PDSS2: variants seen among roughly 807,000 people sequenced by gnomAD.
PDSS2 encodes all trans-polyprenyl-diphosphate synthase PDSS2.
PDSS2 carries 31 observed loss-of-function variants against 44.5 expected under a neutral mutation model. The ratio of observed to expected loss-of-function variants is 0.70; its 90% confidence interval spans 0.52 to 0.94. The LOEUF (loss-of-function observed/expected upper bound fraction) is 0.94. Ranked by LOEUF, PDSS2 falls within the 40% of genes least tolerant of loss-of-function variation. PDSS2 has a pLI of 0.00. For missense variants in PDSS2, 452 were observed against 482.2 expected (o/e 0.94, Z 0.59); for synonymous variants, 157 against 180.3 (o/e 0.87, Z 1.03).
At chr6:107,351,007 A>C (rs776566484) in intron 1 of PDSS2, among the ~76,000 whole-genome samples, 7 of 152,208 alleles carry the variant, frequency 4.6e-5, no homozygotes, top group Non-Finnish European at 7.3e-5. Flanking sequence ...AAGGGGGAGA[A>C]ACTAGGAATT....
intron 1 of PDSS2, among the ~76,000 whole-genome samples, chr6:107,402,453 C>CAG (rs1554276767): frequency 1.5e-4 from 1 of 6,596 alleles, no homozygotes; most frequent in East Asian, 6.5e-3. Flanking sequence ...CACACACACA[C>CAG]ATATATATAC....
chr6:107,334,916 G>A (rs932843740), intron 1 of PDSS2, among the ~76,000 whole-genome samples: 3 of 151,894 alleles, frequency 2.0e-5, no homozygotes, highest in Non-Finnish European at 2.9e-5. Flanking sequence ...CAGTGCTTTG[G>A]GGGGCCAAGG....
intron 3 of PDSS2, among the ~76,000 whole-genome samples, chr6:107,271,552 C>T (rs1775598548): frequency 6.6e-6 from 1 of 152,156 alleles, no homozygotes; most frequent in African/African-American, 2.4e-5. Context: ...GCATGGGCTA[C>T]AGTACAATTG....
intron 1 of PDSS2, among the ~76,000 whole-genome samples, chr6:107,437,625 T>C (rs921232883): frequency 3.3e-5 from 5 of 151,564 alleles, no homozygotes; most frequent in African/African-American, 1.2e-4. Context: ...CCAAAATCCA[T>C]GCATACTCAA....
intron 1 of PDSS2, among the ~76,000 whole-genome samples, chr6:107,376,316 G>C (rs1264338775): frequency 5.3e-5 from 8 of 151,880 alleles, no homozygotes; most frequent in Non-Finnish European, 1.2e-4. Flanking sequence ...TTGGTAGCTT[G>C]ATGGGGATGG....
chr6:107,415,325 T>G (rs1428733757), intron 1 of PDSS2, among the ~76,000 whole-genome samples: 4 of 152,156 alleles, frequency 2.6e-5, no homozygotes, highest in Non-Finnish European at 4.4e-5. Context: ...AATTTTTTTT[T>G]GTTAATCATA....
chr6:107,340,678 C>A (rs1227012775), intron 1 of PDSS2, among the ~76,000 whole-genome samples: 2 of 152,178 alleles, frequency 1.3e-5, no homozygotes, highest in African/African-American at 4.8e-5. Flanking sequence ...AGAGGTGTCC[C>A]TCACAGTAGA....
At chr6:107,218,206 T>C (rs1438028279) in intron 4 of PDSS2, among the ~76,000 whole-genome samples, 1 of 152,222 alleles carries the variant, frequency 6.6e-6, no homozygotes, top group African/African-American at 2.4e-5. Flanking sequence ...TGGCTCTCTA[T>C]ACATTTTATT....
chr6:107,284,106 A>G (rs1776060436), intron 2 of PDSS2, among the ~76,000 whole-genome samples: 1 of 151,960 alleles, frequency 6.6e-6, no homozygotes, highest in Admixed American at 6.6e-5. Flanking sequence ...CTATACGGAC[A>G]AGGGAGATAA....
chr6:107,173,349 G>A (rs543456489), intron 7 of PDSS2, among the ~76,000 whole-genome samples: 151 of 151,602 alleles, frequency 1.0e-3, no homozygotes, highest in African/African-American at 3.4e-3. Context: ...CGAGGCGGGC[G>A]GATCACCTGA....
chr6:107,325,370 G>A (rs898633621), intron 2 of PDSS2, among the ~76,000 whole-genome samples: 4 of 152,158 alleles, frequency 2.6e-5, no homozygotes, highest in African/African-American at 9.7e-5. Flanking sequence ...AAAATTTTAA[G>A]TTGCATCATG....
rs184139109 is a variant in PDSS2, at chr6:107,184,155, A to T, written c.1041+9667T>A. Among the ~76,000 whole-genome samples the T allele has an allele frequency of 1.2e-3, 177 of 152,298 alleles. 2 individuals are homozygous for T. Among genetic ancestry groups the T allele is most frequent in the Admixed American group, 0.011 (174 of 15,292 alleles). ...GGGTAGGAGATGCAGCATCTGCCCA[A>T]GAAAGGGGTACAGGAAAGAGAAAAC... On this transcript the variant is annotated intron_variant, in intron 7 of 7. Transcript: ENST00000369037.
chr6:107,422,721 T>C (rs1424904394), intron 1 of PDSS2, among the ~76,000 whole-genome samples: 1 of 152,116 alleles, frequency 6.6e-6, no homozygotes, highest in Non-Finnish European at 1.5e-5. Flanking sequence ...GATAAACCTA[T>C]TTTTATGGCC....
intron 2 of PDSS2, among the ~76,000 whole-genome samples, chr6:107,301,314 G>A (rs1776686755): frequency 6.6e-6 from 1 of 152,136 alleles, no homozygotes. Context: ...TGTGTGCAGT[G>A]TGATTTTAGA....
chr6:107,212,333 T>C (rs1363117840), intron 4 of PDSS2, 51 bp from the exon 5 acceptor site: 2 of 1,414,000 alleles, frequency 1.4e-6, no homozygotes, highest in African/African-American at 2.9e-5. Context: ...AGTAATTTAA[T>C]TGTTTCTGTT....
At chr6:107,449,448 C>T (rs1427432200) in intron 1 of PDSS2, among the ~76,000 whole-genome samples, 1 of 152,270 alleles carries the variant, frequency 6.6e-6, no homozygotes, top group East Asian at 1.9e-4. Flanking sequence ...TCCATTTCCC[C>T]CTTCTTCCAG....
rs150097418 is a variant in PDSS2 at position 107,392,665 on chromosome 6, T to C, written c.297-58333A>G. Among the ~76,000 whole-genome samples the C allele has an allele frequency of 1.4e-3, 210 of 152,292 alleles. 3 individuals carry two copies. The highest frequency in any genetic ancestry group is 4.8e-3 in the African/African-American group (198 of 41,568). On this transcript the variant is annotated intron_variant, in intron 1 of 7. Coordinates refer to ENST00000369037, the MANE Select transcript of PDSS2 (RefSeq NM_020381.4). The stretch of plus-strand genomic sequence containing the variant: ...GCAAACATTACTGTCTTCTAACCGG[T>C]AGGTAATTTCCTCCTCTTCCTTTTA...
At chr6:107,357,682 A>G (rs1305406389) in intron 1 of PDSS2, among the ~76,000 whole-genome samples, 2 of 152,174 alleles carry the variant, frequency 1.3e-5, no homozygotes, top group Non-Finnish European at 2.9e-5. Context: ...GCATTCCACC[A>G]CATTTTATAC....
chr6:107,261,910 T>TTC (rs1554259999), intron 3 of PDSS2, among the ~76,000 whole-genome samples: 2 of 102,814 alleles, frequency 1.9e-5, no homozygotes, highest in African/African-American at 4.2e-5. Context: ...TTCTTTTCTT[T>TTC]TTTTTTTTTT....
Sources: gnomAD v4.1 joint callset for allele counts (sites outside exome capture counted in the v4.1 genomes callset) on GRCh38, gnomAD v4.1.1 for gene constraint, MANE v1.5 for transcripts, NCBI Gene and HGNC (gene_info 2026-07-23, HGNC 2026-07-21) for gene names.